Variants in CYLD observed in about 807,000 individuals in gnomAD.
The protein encoded by CYLD is ubiquitin carboxyl-terminal hydrolase CYLD.
Under a neutral mutation model 104.5 loss-of-function variants are expected in CYLD, and 26 were observed. The ratio of observed to expected loss-of-function variants is 0.25; its 90% CI spans 0.18 to 0.35. The LOEUF (loss-of-function observed/expected upper bound fraction) is 0.35, where lower values mean the gene tolerates loss of function less well. Ranked by LOEUF, CYLD falls within the 10% of genes least tolerant of loss-of-function variation. CYLD has a pLI of 1.00. For synonymous variants in CYLD, 385 were observed against 399.9 expected, an observed-to-expected ratio of 0.96 and a Z score of 0.45; for missense variants, 703 against 1,136.1, an observed-to-expected ratio of 0.62 and a Z score of 5.48.
In CYLD at chr16:50,784,360, G is replaced by A; in HGVS notation, c.1858G>A (p.Val620Met). 1.2e-6 allele frequency: 2 copies of A among 1,613,504 alleles called. No individual in the cohort carries two copies. Among genetic ancestry groups the A allele is most frequent in the Non-Finnish European group, 1.7e-6 (2 of 1,179,646 alleles). Reference sequence around the variant, plus strand: ...TGCTTTTAGTTCTGTTCTGGACACTGTGTTACTTAGACCCAAAGAAAAGAA... The same window carrying A: ...TGCTTTTAGTTCTGTTCTGGACACTATGTTACTTAGACCCAAAGAAAAGAA... ...LFAFSSVLDT[V>M]LLRPKEKNDV... The change falls in exon 12 of 19, where the codon GTG becomes ATG. Residue 620 changes from valine (V) to methionine (M), a missense_variant. By Grantham distance (21) the Val-to-Met change is conservative (BLOSUM62 1). Coordinates refer to ENST00000427738, the MANE Select transcript of CYLD (RefSeq NM_001378743.1).
intron 2 of CYLD, among the ~76,000 whole-genome samples, chr16:50,744,461 C>T (rs1966008062): frequency 6.6e-6 from 1 of 152,182 alleles, no homozygotes; most frequent in South Asian, 2.1e-4. Flanking sequence ...AGCTGACCTT[C>T]CTACCTCTTT....
chr16:50,771,756 AT>A (rs975116066), intron 5 of CYLD, among the ~76,000 whole-genome samples: 1 of 151,870 alleles, frequency 6.6e-6, no homozygotes, highest in African/African-American at 2.4e-5. Context: ...CTTAAGTAGA[AT>A]TTTTTTTTAA....
chr16:50,743,700 T>TC (rs1164153832), intron 2 of CYLD, among the ~76,000 whole-genome samples: 2 of 152,232 alleles, frequency 1.3e-5, no homozygotes, highest in African/African-American at 4.8e-5. Flanking sequence ...AGTTTTTTTT[T>TC]CATTGGTTGT....
At chr16:50,792,565 T>C (rs1405069730) in intron 15 of CYLD, 32 bp from the exon 16 acceptor site, 2 of 1,497,722 alleles carry the variant, frequency 1.3e-6, no homozygotes, top group Non-Finnish European at 1.8e-6. Flanking sequence ...TTTTTAACAC[T>C]TTGATTCTAA....
chr16:50,785,253 C>A (rs970121028), intron 12 of CYLD: 1 of 152,106 alleles, frequency 6.6e-6, no homozygotes, highest in South Asian at 2.1e-4. Flanking sequence ...AATTTGAATC[C>A]TTTTATATAC....
In CYLD at chr16:50,794,192, CT is replaced by C; in HGVS notation, c.2470-16del. 1 of 1,608,202 alleles carries C rather than the reference CT, an allele frequency of 6.2e-7. No homozygotes were observed. The highest frequency in any genetic ancestry group is 1.1e-5 in the South Asian group (1 of 90,918). On this transcript the variant is annotated intron_variant, in intron 17 of 18. Coordinates refer to ENST00000427738, the MANE Select transcript of CYLD (RefSeq NM_001378743.1). The surrounding 1 kb of genome is among the most constrained non-coding windows in gnomAD (Gnocchi z 4.1). ...CCACCAGCCTCGGCCTAATGACATT[CT>C]TTTCATGGTCCATTTTAGGTCCACC... is the stretch of plus-strand genomic sequence containing the variant.
At chr16:50,769,933 T>G (rs995438149) in intron 5 of CYLD, among the ~76,000 whole-genome samples, 16 of 152,256 alleles carry the variant, frequency 1.1e-4, no homozygotes, top group African/African-American at 3.9e-4. Flanking sequence ...CTTTTTTCAC[T>G]GAGCATAATT....
Position 50,800,660 on chromosome 16 carries a change from T to A in CYLD, c.*4152T>A. 4.3e-6 allele frequency: 1 copy of A among 232,570 alleles called. No homozygotes were observed. 14.4% of individuals were successfully genotyped at this position (232,570 alleles called of 1,614,324 possible). ...TCTAAGGCAAAGTTAAAGAAAAAAA[T>A]TACATTATTTCTTACCATTTGCTAC... On this transcript the variant is annotated 3_prime_UTR_variant, in exon 19 of 19. Transcript: ENST00000427738.
chr16:50,771,831 T>C (rs926051241), intron 5 of CYLD, among the ~76,000 whole-genome samples: 1 of 152,224 alleles, frequency 6.6e-6, no homozygotes, highest in Non-Finnish European at 1.5e-5. Flanking sequence ...TTCCATTGAA[T>C]TATTTTTCTA....
At chr16:50,770,929 C>T (rs1261649598) in intron 5 of CYLD, among the ~76,000 whole-genome samples, 1 of 152,172 alleles carries the variant, frequency 6.6e-6, no homozygotes, top group African/African-American at 2.4e-5. Context: ...TTTTCATCCT[C>T]TTAATAGGGT....
At chr16:50,751,217 T>A (rs1343945028) in intron 3 of CYLD, among the ~76,000 whole-genome samples, 1 of 152,220 alleles carries the variant, frequency 6.6e-6, no homozygotes, top group African/African-American at 2.4e-5. Flanking sequence ...ACTTGTAGTG[T>A]TTTTGTGGTA....
At chr16:50,777,772 C>G (rs1023392426) in intron 7 of CYLD, 53 bp from the exon 8 acceptor site, 7 of 938,846 alleles carry the variant, frequency 7.5e-6, no homozygotes, top group African/African-American at 6.6e-5. Context: ...TAAAAAAAAA[C>G]TTTGATGCTA....
intron 12 of CYLD, chr16:50,785,870 G>A (rs760157573): frequency 6.6e-6 from 1 of 152,168 alleles, no homozygotes; most frequent in Non-Finnish European, 1.5e-5. Flanking sequence ...GACAGGTTAC[G>A]TTACTATGTA....
At chr16:50,745,071 C>A (rs1393529894) in intron 2 of CYLD, among the ~76,000 whole-genome samples, 1 of 152,166 alleles carries the variant, frequency 6.6e-6, no homozygotes, top group Non-Finnish European at 1.5e-5. Context: ...CCAAGATATT[C>A]ATAATCACAC....
Position 50,792,704 on chromosome 16 carries a change from C to A in CYLD, c.2349C>A (p.Asp783Glu), listed in dbSNP as rs1247521401. 1 of 1,401,064 alleles carries A rather than the reference C, an allele frequency of 7.1e-7. No homozygotes were observed. Among genetic ancestry groups the A allele is most frequent in the Non-Finnish European group, 1.0e-6 (1 of 994,078 alleles). The allele number at this position is 1,401,064 out of a possible 1,614,324, so 86.8% of individuals were successfully genotyped here. Reference sequence around the variant, plus strand: ...TAAATATAACAGATTTACTTGAAGACAGTAAGTATGAGATTTTTTTAGTTT... The same window carrying A: ...TAAATATAACAGATTTACTTGAAGAAAGTAAGTATGAGATTTTTTTAGTTT... ...LELNITDLLE[D>E]TPRQCRICGG... Residue 783 changes from aspartate to glutamate, a missense_variant and splice_region_variant, in exon 16 of 19, where the codon GAC (aspartate) becomes GAA (glutamate). This residue lies in a region of CYLD where 130 missense variants were observed against 220.2 expected (regional missense o/e 0.59). Coordinates refer to ENST00000427738, the MANE Select transcript of CYLD (RefSeq NM_001378743.1).
intron 5 of CYLD, among the ~76,000 whole-genome samples, chr16:50,766,537 A>G (rs1968544013): frequency 2.0e-5 from 3 of 152,210 alleles, no homozygotes; most frequent in African/African-American, 4.8e-5. Flanking sequence ...TAAGAAATAC[A>G]TTCTGTAAGG....
intron 14 of CYLD, 69 bp downstream of exon 14, chr16:50,787,921 C>T (rs1314796203): frequency 3.4e-6 from 3 of 893,848 alleles, no homozygotes; most frequent in Non-Finnish European, 5.4e-6. Flanking sequence ...CATTATTCAA[C>T]AGACATGATT....
intron 5 of CYLD, among the ~76,000 whole-genome samples, chr16:50,774,933 CAT>C (rs961688074): frequency 8.5e-5 from 13 of 152,232 alleles, no homozygotes; most frequent in African/African-American, 2.9e-4. Flanking sequence ...AAAATATTTT[CAT>C]ATTCTATTGG....
chr16:50,782,280 TA>T, intron 10 of CYLD, 44 bp from the exon 11 acceptor site: 2 of 1,405,408 alleles, frequency 1.4e-6, no homozygotes, highest in Non-Finnish European at 2.0e-6. Flanking sequence ...TGTAATAGTT[TA>T]AAAGAATTCT....
Sources: allele counts gnomAD v4.1 joint callset (sites outside exome capture counted in the v4.1 genomes callset), GRCh38; gene constraint gnomAD v4.1.1; regional missense constraint gnomAD v4.1.1; non-coding constraint Gnocchi (gnomAD v3.1); transcripts MANE v1.5; gene names NCBI Gene and HGNC (gene_info 2026-07-23, HGNC 2026-07-21).